Variants in UNC13C observed in about 807,000 individuals in gnomAD.
UNC13C encodes protein unc-13 homolog C.
A neutral mutation model predicts 245.4 loss-of-function variants in UNC13C; 174 were observed. The observed-to-expected ratio is 0.71, with a 90% CI of 0.63 to 0.80. The LOEUF is 0.80. UNC13C is among the 30% of genes least tolerant of loss of function. UNC13C has a pLI of 0.00. For missense variants in UNC13C, 2,829 were observed against 2,602.9 expected, an observed-to-expected ratio of 1.09 and a Z score of -1.89; for synonymous variants, 992 against 895.1, an observed-to-expected ratio of 1.11 and a Z score of -1.93.
At chr15:54,227,467 G>C (rs2035420301) in intron 4 of UNC13C, among the ~76,000 whole-genome samples, 1 of 152,186 alleles carries the variant, frequency 6.6e-6, no homozygotes, top group Admixed American at 6.5e-5. Context: ...AGGGGCACCT[G>C]CCAGCCCATG....
intron 2 of UNC13C, among the ~76,000 whole-genome samples, chr15:54,131,732 G>T (rs1484222072): frequency 2.0e-5 from 3 of 152,156 alleles, no homozygotes; most frequent in Non-Finnish European, 4.4e-5. Context: ...GCAGGAATAA[G>T]GGCTGACTCC....
the UNC13C span, among the ~76,000 whole-genome samples, chr15:53,956,882 G>GTA: frequency 6.6e-6 from 1 of 151,168 alleles, no homozygotes; most frequent in Admixed American, 6.6e-5. Context: ...TCAAGTGTGT[G>GTA]TGTGTGTGTG....
intron 2 of UNC13C, among the ~76,000 whole-genome samples, chr15:54,070,276 A>G (rs1287401840): frequency 6.6e-6 from 1 of 152,212 alleles, no homozygotes; most frequent in African/African-American, 2.4e-5. Context: ...AAATTCAGAA[A>G]TACTTCATCA....
In UNC13C at chr15:54,015,665, G is replaced by C; in HGVS notation, c.2762G>C (p.Gly921Ala). The change falls in exon 2 of 33, where the codon GGT (glycine) becomes GCT (alanine). Residue 921 changes from glycine to alanine, a missense_variant. Gly to Ala is a moderately conservative substitution (Grantham distance 60, BLOSUM62 0). Coordinates refer to ENST00000260323, the MANE Select transcript of UNC13C (RefSeq NM_001080534.3). ...ETPYETPQDEGYDGPADDMVS... is the reference protein window; with the variant it reads ...ETPYETPQDEAYDGPADDMVS... ...CCTTATGAAACCCCACAAGATGAGG[G>C]TTATGATGGTCCAGCAGATGATATG... The C allele has an allele frequency of 6.2e-7, 1 of 1,613,706 alleles. No homozygotes were observed. The highest frequency in any genetic ancestry group is 8.5e-7 in the Non-Finnish European group (1 of 1,179,766).
intron 29 of UNC13C, among the ~76,000 whole-genome samples, chr15:54,565,387 C>T (rs1478193968): frequency 6.6e-6 from 1 of 151,992 alleles, no homozygotes; most frequent in East Asian, 1.9e-4. Flanking sequence ...GACACTACCA[C>T]AGATGCTGTC....
intron 2 of UNC13C, among the ~76,000 whole-genome samples, chr15:54,025,222 C>A (rs1896060645): frequency 6.6e-6 from 1 of 152,184 alleles, no homozygotes; most frequent in Non-Finnish European, 1.5e-5. Flanking sequence ...CCTAACTCAA[C>A]CATGATGACT....
chr15:54,379,041 T>C (rs376082010), intron 17 of UNC13C, among the ~76,000 whole-genome samples: 1 of 152,058 alleles, frequency 6.6e-6, no homozygotes, highest in East Asian at 1.9e-4. Flanking sequence ...ATATGGAAAT[T>C]CCTAGTTTTG....
In UNC13C at chr15:54,263,229, CA is replaced by C. The variant is rs904315752; in HGVS notation, c.3449-932del. On this transcript the variant is annotated intron_variant, in intron 8 of 32. Coordinates refer to ENST00000260323, the MANE Select transcript of UNC13C (RefSeq NM_001080534.3). ...CACTGTATTTCAGTTGCTTCTGTAC[CA>C]AAAAAAGTTTGATTTTAGCAGTGGC... Among the ~76,000 whole-genome samples the C allele has an allele frequency of 7.2e-5, 11 of 151,974 alleles. No homozygotes were observed. The South Asian group carries it at 1.4e-3, about 20-fold the overall frequency.
intron 15 of UNC13C, among the ~76,000 whole-genome samples, chr15:54,333,460 G>A (rs960118442): frequency 6.6e-6 from 1 of 151,930 alleles, no homozygotes; most frequent in Non-Finnish European, 1.5e-5. Context: ...CCTTTTAGTA[G>A]CAAGACTATT....
At chr15:54,380,206 T>A (rs1352582325) in intron 17 of UNC13C, among the ~76,000 whole-genome samples, 1 of 148,124 alleles carries the variant, frequency 6.8e-6, no homozygotes, top group African/African-American at 2.5e-5. Context: ...TGAGATCAAC[T>A]TTTTTAGGTT....
intron 11 of UNC13C, among the ~76,000 whole-genome samples, 173 bp downstream of exon 11, chr15:54,294,237 G>A (rs1035318714): frequency 6.6e-6 from 1 of 151,966 alleles, no homozygotes; most frequent in African/African-American, 2.4e-5. Flanking sequence ...TTTCAATACT[G>A]TTGAAAGACT....
chr15:54,451,135 G>T (rs1340980238), intron 19 of UNC13C, among the ~76,000 whole-genome samples: 1 of 151,724 alleles, frequency 6.6e-6, no homozygotes. Context: ...CTCCTTCTGG[G>T]TCACTGAAAA....
the UNC13C span, chr15:53,967,960 G>A: frequency 6.6e-6 from 1 of 151,788 alleles, no homozygotes; most frequent in Non-Finnish European, 1.5e-5. Flanking sequence ...AAAATATTTT[G>A]TATCTTTAGC....
At chr15:53,877,748 C>G in the UNC13C span, among the ~76,000 whole-genome samples, 1 of 152,158 alleles carries the variant, frequency 6.6e-6, no homozygotes, top group African/African-American at 2.4e-5. Flanking sequence ...GACACATGTA[C>G]TTATCCGTGT....
At chr15:54,207,811 A>G (rs1247693655) in intron 4 of UNC13C, among the ~76,000 whole-genome samples, 2 of 152,122 alleles carry the variant, frequency 1.3e-5, no homozygotes, top group African/African-American at 4.8e-5. Flanking sequence ...GTTGGGTTCA[A>G]ATGTAAGCTT....
At chr15:54,544,503 A>G (rs1022957144) in intron 26 of UNC13C, among the ~76,000 whole-genome samples, 4 of 152,216 alleles carry the variant, frequency 2.6e-5, no homozygotes, top group Non-Finnish European at 4.4e-5. Flanking sequence ...GAGGAAGTCA[A>G]ATTGTCTCTG....
chr15:54,352,547 C>G (rs2039008073), intron 17 of UNC13C, among the ~76,000 whole-genome samples: 1 of 151,604 alleles, frequency 6.6e-6, no homozygotes, highest in Non-Finnish European at 1.5e-5. Context: ...TCTAAAGTTC[C>G]TGATTCGTCA....
At chr15:53,954,304 G>A in the UNC13C span, among the ~76,000 whole-genome samples, 2 of 152,330 alleles carry the variant, frequency 1.3e-5, no homozygotes, top group South Asian at 4.1e-4. Context: ...CTTCCTGAGA[G>A]AAGAGACAAT....
intron 2 of UNC13C, among the ~76,000 whole-genome samples, chr15:54,125,324 A>G (rs1374155496): frequency 6.6e-6 from 1 of 152,092 alleles, no homozygotes; most frequent in Non-Finnish European, 1.5e-5. Context: ...TTAGCCTGGC[A>G]TGGTGGTGGG....
Sources: gnomAD v4.1 joint callset for allele counts (sites outside exome capture counted in the v4.1 genomes callset) on GRCh38, gnomAD v4.1.1 for gene constraint, MANE v1.5 for transcripts, NCBI Gene and HGNC (gene_info 2026-07-23, HGNC 2026-07-21) for gene names.